Variants in PAK3 observed in about 807,000 individuals in gnomAD.
PAK3 encodes the protein p21 (RAC1) activated kinase 3, also known as serine/threonine-protein kinase PAK 3.
PAK3 carries 4 observed loss-of-function variants against 41.0 expected under a neutral mutation model. The ratio of observed to expected loss-of-function variants is 0.10; its 90% CI spans 0.05 to 0.22. PAK3 has a LOEUF of 0.22. Among genes scored for constraint, PAK3 ranks in the 10% least tolerant of loss-of-function variants. PAK3 has a pLI of 1.00. For missense variants in PAK3, 205 were observed against 409.9 expected (o/e 0.50, Z 4.32); for synonymous variants, 146 against 139.6 (o/e 1.05, Z -0.32).
At chrX:110,947,749 A>G (rs1195039900) in intron 1 of PAK3, among the ~76,000 whole-genome samples, 4 of 111,681 alleles carry the variant, frequency 3.6e-5, no homozygotes, top group African/African-American at 9.8e-5. Flanking sequence ...TGGTGTTGAG[A>G]GACACGTTCT....
chrX:110,953,482 A>G (rs996823504), intron 1 of PAK3, among the ~76,000 whole-genome samples: 1 of 112,447 alleles, frequency 8.9e-6, no homozygotes, highest in African/African-American at 3.2e-5. Flanking sequence ...TTTTAAAAAT[A>G]TATTTTGAAG....
intron 17 of PAK3, chrX:111,217,799 CCTCCCACCA>C (rs2094895185): frequency 8.2e-6 from 1 of 121,230 alleles, no homozygotes; most frequent in Admixed American, 9.5e-5. Context: ...TTTTTTCACC[CCTCCCACCA>C]CTCCACATAC....
At chrX:110,992,602 G>A (rs1293285551) in intron 1 of PAK3, among the ~76,000 whole-genome samples, 1 of 107,846 alleles carries the variant, frequency 9.3e-6, no homozygotes, top group Non-Finnish European at 1.9e-5. Context: ...AGGAATTGAT[G>A]GCACGGAGAA....
chrX:111,126,360 C>T (rs2093648312), intron 5 of PAK3, among the ~76,000 whole-genome samples: 1 of 111,135 alleles, frequency 9.0e-6, no homozygotes, highest in Non-Finnish European at 1.9e-5. Context: ...TTTTCCTTCC[C>T]GATATCATGA....
chrX:110,961,091 C>T (rs2090969464), intron 1 of PAK3, among the ~76,000 whole-genome samples: 2 of 111,412 alleles, frequency 1.8e-5, no homozygotes, highest in Admixed American at 1.9e-4. Flanking sequence ...CCTGGCTGCA[C>T]ATGAGAATGA....
Position 111,152,386 on chromosome X carries a change from G to A in PAK3, c.431-24G>A. The A allele has an allele frequency of 3.6e-6, 4 of 1,101,869 alleles. No homozygotes were observed. The East Asian group carries it at 9.0e-5, about 25-fold the overall frequency. The allele number at this position is 1,101,869 out of a possible 1,213,427, so 90.8% of individuals were successfully genotyped here. On this transcript the variant is annotated intron_variant, in intron 7 of 17. Coordinates refer to ENST00000372007, the MANE Select transcript of PAK3 (RefSeq NM_002578.5). ...GAAACATTCTTTATGAAACAAAAAT[G>A]ACCTCTCTATTCTCACTTTGCAGAT...
chrX:111,116,485 T>C (rs2093466029), intron 4 of PAK3, among the ~76,000 whole-genome samples: 1 of 112,064 alleles, frequency 8.9e-6, no homozygotes, highest in South Asian at 3.7e-4. Flanking sequence ...AGTATGGTGC[T>C]GCATATGTTT....
chrX:111,001,543 T>C (rs749666691), intron 1 of PAK3, among the ~76,000 whole-genome samples: 1 of 112,249 alleles, frequency 8.9e-6, no homozygotes, highest in East Asian at 2.8e-4. Flanking sequence ...GGTGGGCTGA[T>C]TTTTCTTGGA....
chrX:111,068,108 T>C (rs781027945), intron 1 of PAK3, among the ~76,000 whole-genome samples: 29 of 111,804 alleles, frequency 2.6e-4, no homozygotes, highest in Non-Finnish European at 3.4e-4. Context: ...TTGGTACCTA[T>C]ATTTGTGTTC....
At chrX:111,219,239 C>T (rs2094908733) in intron 17 of PAK3, among the ~76,000 whole-genome samples, 1 of 79,874 alleles carries the variant, frequency 1.3e-5, no homozygotes, top group Non-Finnish European at 2.6e-5. Context: ...TAATAATAAG[C>T]AAGAGATAAA....
chrX:111,081,855 G>A (rs1424024629), intron 1 of PAK3, among the ~76,000 whole-genome samples: 1 of 111,135 alleles, frequency 9.0e-6, no homozygotes, highest in Non-Finnish European at 1.9e-5. Context: ...CTTGATACCT[G>A]ACTGTGAGTT....
intron 1 of PAK3, among the ~76,000 whole-genome samples, chrX:110,952,828 G>A (rs1391171562): frequency 9.0e-6 from 1 of 111,403 alleles, no homozygotes; most frequent in Non-Finnish European, 1.9e-5. Flanking sequence ...AGTTCACAGA[G>A]GAAATGATGG....
At chrX:111,074,991 C>A (rs1394944973) in intron 1 of PAK3, among the ~76,000 whole-genome samples, 2 of 111,683 alleles carry the variant, frequency 1.8e-5, no homozygotes, top group East Asian at 5.6e-4. Flanking sequence ...TTCTAAGCAG[C>A]AAAGTGTTTA....
chrX:111,160,561 A>C (rs1203726279), intron 8 of PAK3, among the ~76,000 whole-genome samples: 2 of 108,684 alleles, frequency 1.8e-5, no homozygotes, highest in Admixed American at 9.8e-5. Context: ...GGTGTGCTGC[A>C]CCCATTAACT....
chrX:110,959,882 G>GT (rs200965158), intron 1 of PAK3, among the ~76,000 whole-genome samples: 300 of 111,369 alleles, frequency 2.7e-3, no homozygotes, highest in Middle Eastern at 9.3e-3. Context: ...TAAATTCATT[G>GT]TTTTTTTTAA....
chrX:111,187,551 G>C (rs951752510), intron 11 of PAK3, among the ~76,000 whole-genome samples: 1 of 111,387 alleles, frequency 9.0e-6, no homozygotes, highest in Non-Finnish European at 1.9e-5. Flanking sequence ...GAGGACTACT[G>C]TTCTCAACCC....
At chrX:111,167,087 A>G (rs1212642054) in intron 10 of PAK3, among the ~76,000 whole-genome samples, 2 of 111,788 alleles carry the variant, frequency 1.8e-5, no homozygotes, top group Admixed American at 1.9e-4. Context: ...ACAGTAATAT[A>G]AAATTGTTAT....
At chrX:111,070,980 G>C (rs1403366924) in intron 1 of PAK3, among the ~76,000 whole-genome samples, 1 of 112,257 alleles carries the variant, frequency 8.9e-6, no homozygotes, top group African/African-American at 3.2e-5. Flanking sequence ...TGCCGATAGA[G>C]AATTGTATCC....
rs781080959 is a variant in PAK3 at position 110,993,509 on chromosome X, GT to G, written c.-28+48883del. On this transcript the variant is annotated intron_variant, in intron 1 of 14. Coordinates refer to the PAK3 transcript ENST00000425146. ...TAAGTACATTTTCTGTATCACCTAA[GT>G]TATTAATAAAAATGAAAAAGTCTTG... Among the ~76,000 whole-genome samples the G allele has an allele frequency of 3.6e-5, 4 of 111,773 alleles. No homozygotes were observed. The South Asian group carries it at 1.5e-3, about 42-fold the overall frequency.
Sources: gnomAD v4.1 joint callset for allele counts (sites outside exome capture counted in the v4.1 genomes callset) on GRCh38, gnomAD v4.1.1 for gene constraint, MANE v1.5 for transcripts, NCBI Gene and HGNC (gene_info 2026-07-23, HGNC 2026-07-21) for gene names.